Variants in PCDHA7 observed in about 807,000 individuals in gnomAD.
PCDHA7 encodes protocadherin alpha 7.
In PCDHA7, 37 loss-of-function variants were observed where a neutral mutation model predicts 57.2. The ratio of observed to expected loss-of-function variants is 0.65; its 90% confidence interval spans 0.50 to 0.85. The LOEUF is 0.85. Among genes scored for constraint, PCDHA7 ranks in the 40% least tolerant of loss-of-function variants. The pLI, the probability that PCDHA7 is intolerant of heterozygous loss-of-function variation, is 0.00. For missense variants in PCDHA7, 1,188 were observed against 1,241.8 expected (o/e 0.96, Z 0.65); for synonymous variants, 553 against 558.8 (o/e 0.99, Z 0.15).
At chr5:140,864,170 G>A (rs1301709115) in intron 1 of PCDHA7, 1 of 152,166 alleles carries the variant, frequency 6.6e-6, no homozygotes, top group Non-Finnish European at 1.5e-5. Context: ...TTACCGGAAG[G>A]ATCATGATGA....
In PCDHA7 at chr5:140,879,837, T is replaced by C. The variant is rs150709679; in HGVS notation, c.2355+43099T>C. ...GTTGGTGTTCCCTGGCTTGTGGCTGTACCACTCCCATCTCAGCCTTCTCAG... is the reference window on the plus strand; with the variant it reads ...GTTGGTGTTCCCTGGCTTGTGGCTGCACCACTCCCATCTCAGCCTTCTCAG... On this transcript the variant is annotated intron_variant, in intron 1 of 3. Coordinates refer to ENST00000525929, the MANE Select transcript of PCDHA7 (RefSeq NM_018910.3). Among the ~76,000 whole-genome samples, 861 of 152,350 alleles carry C rather than the reference T, an allele frequency of 5.7e-3. 5 individuals are homozygous for C. The highest frequency in any genetic ancestry group is 0.014 in the Middle Eastern group (4 of 294).
At chr5:140,883,758 G>C (rs781858673) in intron 1 of PCDHA7, 4 of 1,612,920 alleles carry the variant, frequency 2.5e-6, no homozygotes, top group Non-Finnish European at 3.4e-6. Context: ...CTGGTGGAGC[G>C]GCGGGTGGGC....
intron 1 of PCDHA7, chr5:140,861,087 C>T (rs1554154139): frequency 6.6e-6 from 1 of 152,266 alleles, no homozygotes; most frequent in African/African-American, 2.4e-5. Flanking sequence ...AAAGAAGCTC[C>T]ATTGTTCCTG....
At chr5:141,004,976 A>G (rs1554259837) in intron 3 of PCDHA7, among the ~76,000 whole-genome samples, 1 of 152,248 alleles carries the variant, frequency 6.6e-6, no homozygotes, top group Non-Finnish European at 1.5e-5. Flanking sequence ...GTAAATTTGC[A>G]GTATCATTAT....
intron 3 of PCDHA7, among the ~76,000 whole-genome samples, chr5:141,000,365 C>G (rs1413548696): frequency 7.8e-5 from 1 of 12,832 alleles, no homozygotes; most frequent in Non-Finnish European, 1.3e-4. Flanking sequence ...CTCTCTGTCT[C>G]TCTCTCTCTC....
chr5:140,914,145 G>A lies in PCDHA7; in HGVS notation c.2356-64804G>A, dbSNP rs2076623510. Among the ~76,000 whole-genome samples the A allele has an allele frequency of 3.3e-5, 5 of 152,138 alleles. 1 individual carries two copies. The South Asian group carries it at 1.0e-3, about 32-fold the overall frequency. On this transcript the variant is annotated intron_variant, in intron 1 of 3. Transcript: ENST00000525929. ...TTCTTTGTTGAGTTTTTGTCTGTCAGTTCTGTCCAATACGGAAAGTGGGGT... is the reference window on the plus strand; with the variant it reads ...TTCTTTGTTGAGTTTTTGTCTGTCAATTCTGTCCAATACGGAAAGTGGGGT...
chr5:140,917,231 A>G (rs2077963769), intron 1 of PCDHA7, among the ~76,000 whole-genome samples: 1 of 151,360 alleles, frequency 6.6e-6, no homozygotes, highest in Admixed American at 6.6e-5. Context: ...TACGTTGTTA[A>G]ATCTAGGTAC....
chr5:140,928,570 C>A (rs2085340367), intron 1 of PCDHA7: 1 of 1,614,196 alleles, frequency 6.2e-7, no homozygotes, highest in South Asian at 1.1e-5. Flanking sequence ...GTTTCCCTTG[C>A]CCAGAAATGG....
At chr5:140,907,166 A>C (rs2073212277) in intron 1 of PCDHA7, among the ~76,000 whole-genome samples, 2 of 152,174 alleles carry the variant, frequency 1.3e-5, no homozygotes, top group Non-Finnish European at 2.9e-5. Context: ...CATATATTGG[A>C]TGCTGATTCA....
chr5:141,000,361 GTCTCTCTCTCTCTCTC>G (rs148596731), intron 3 of PCDHA7, among the ~76,000 whole-genome samples: 6 of 26,448 alleles, frequency 2.3e-4, no homozygotes, highest in African/African-American at 1.2e-3. Context: ...GTCTCTCTCT[GTCTCTCTCTCTCTCTC>G]TCTCTCTCTC....
intron 1 of PCDHA7, chr5:140,851,035 A>G: frequency 7.1e-7 from 1 of 1,400,972 alleles, no homozygotes; most frequent in Non-Finnish European, 9.4e-7. Context: ...ACCCCTTAAC[A>G]TTGGAGCCGA....
chr5:140,857,663 G>A lies in PCDHA7; in HGVS notation c.2355+20925G>A, dbSNP rs377441915. ...ACAGTTCCAGGTGAGCGCGCGCGAT[G>A]GGGGCGTGCCGCCTCTGGGCAGCAA... On this transcript the variant is annotated intron_variant, in intron 1 of 3. Transcript: ENST00000525929. The A allele has an allele frequency of 1.9e-5, 30 of 1,596,736 alleles. 2 individuals are homozygous for A. Among genetic ancestry groups the A allele is most frequent in the Non-Finnish European group, 2.3e-5 (27 of 1,167,780 alleles).
rs2098419434 is a variant in PCDHA7, at chr5:141,011,100, CT to C, written c.*1164del. ...AAATGATCTCTCTTTCTCTCTCTCT[CT>C]CTCTTTTCTAAGAAACAATTATGTG... On this transcript the variant is annotated 3_prime_UTR_variant, in exon 4 of 4. Coordinates refer to ENST00000525929, the MANE Select transcript of PCDHA7 (RefSeq NM_018910.3). The C allele has an allele frequency of 1.3e-5, 2 of 153,772 alleles. No individual in the cohort carries two copies. Among genetic ancestry groups the C allele is most frequent in the Admixed American group, 6.5e-5 (1 of 15,290 alleles). The allele number at this position is 153,772 out of a possible 1,614,324, so 9.5% of individuals were successfully genotyped here.
intron 1 of PCDHA7, chr5:140,869,955 T>G: frequency 2.5e-6 from 4 of 1,612,860 alleles, no homozygotes; most frequent in Non-Finnish European, 3.4e-6. Flanking sequence ...TAATGTCAAT[T>G]AAGCCCAATG....
chr5:140,952,813 G>A (rs1162015418), intron 1 of PCDHA7, among the ~76,000 whole-genome samples: 1 of 152,158 alleles, frequency 6.6e-6, no homozygotes, highest in African/African-American at 2.4e-5. Context: ...TCTGCAGGCT[G>A]TACAGGAAGC....
intron 1 of PCDHA7, chr5:140,968,978 G>A: frequency 1.9e-6 from 3 of 1,614,212 alleles, no homozygotes; most frequent in Non-Finnish European, 1.7e-6. Flanking sequence ...CACTGCGTAT[G>A]GCACTGCATG....
In PCDHA7 at chr5:141,010,171, A is replaced by G. The variant is rs2098416277; in HGVS notation, c.*234A>G. On this transcript the variant is annotated 3_prime_UTR_variant, in exon 4 of 4. Transcript: ENST00000525929. ...CCACTCTGGCTTGTTTTCAGAACCTAAAAAGCAGACCCAAGTTTCCTTTCT... is the reference window on the plus strand; with the variant it reads ...CCACTCTGGCTTGTTTTCAGAACCTGAAAAGCAGACCCAAGTTTCCTTTCT... The G allele has an allele frequency of 3.2e-6, 5 of 1,559,030 alleles. No individual in the cohort carries two copies. Among genetic ancestry groups the G allele is most frequent in the Non-Finnish European group, 4.3e-6 (5 of 1,150,704 alleles).
intron 1 of PCDHA7, chr5:140,843,311 A>T: frequency 6.3e-7 from 1 of 1,595,942 alleles, no homozygotes; most frequent in Non-Finnish European, 8.6e-7. Flanking sequence ...CGCCACGGCC[A>T]CGGTTCTGGT....
At chr5:140,893,771 T>C (rs1428542584) in intron 1 of PCDHA7, among the ~76,000 whole-genome samples, 1 of 152,186 alleles carries the variant, frequency 6.6e-6, no homozygotes, top group African/African-American at 2.4e-5. Flanking sequence ...CTTGTCACTT[T>C]TCTTTTACCG....
Sources: gnomAD v4.1 joint callset for allele counts (sites outside exome capture counted in the v4.1 genomes callset) on GRCh38, gnomAD v4.1.1 for gene constraint, MANE v1.5 for transcripts, NCBI Gene and HGNC (gene_info 2026-07-23, HGNC 2026-07-21) for gene names.